The following LRMDA variants were observed in gnomAD, a reference collection of about 807,000 sequenced individuals.
LRMDA encodes leucine-rich melanocyte differentiation-associated protein.
Under a neutral mutation model 29.8 loss-of-function variants are expected in LRMDA, and 18 were observed. That is an observed-to-expected ratio of 0.60 (90% CI 0.42 to 0.90). The LOEUF (loss-of-function observed/expected upper bound fraction) is 0.90. Among genes scored for constraint, LRMDA ranks in the 40% least tolerant of loss-of-function variants. The pLI is 0.00. For missense variants in LRMDA, 273 were observed against 273.9 expected (o/e 1.00, Z 0.02); for synonymous variants, 125 against 109.4 (o/e 1.14, Z -0.89).
At chr10:75,826,410 T>C (rs747598926) in intron 2 of LRMDA, among the ~76,000 whole-genome samples, 2 of 152,088 alleles carry the variant, frequency 1.3e-5, no homozygotes, top group African/African-American at 4.8e-5. Context: ...TGTTTTCTTT[T>C]TGGGTAGAGT....
intron 6 of LRMDA, among the ~76,000 whole-genome samples, chr10:76,462,740 C>T (rs911707471): frequency 6.6e-6 from 1 of 152,198 alleles, no homozygotes; most frequent in Non-Finnish European, 1.5e-5. Flanking sequence ...TCCAGCCAGA[C>T]AACAGCCCTC....
intron 5 of LRMDA, among the ~76,000 whole-genome samples, chr10:76,164,113 T>C (rs1157427420): frequency 6.7e-6 from 1 of 148,410 alleles, no homozygotes; most frequent in Non-Finnish European, 1.5e-5. Context: ...AATCATTTAA[T>C]TAAAATGTTT....
At chr10:75,443,470 T>C (rs1041312290) in intron 2 of LRMDA, among the ~76,000 whole-genome samples, 2 of 152,136 alleles carry the variant, frequency 1.3e-5, no homozygotes, top group Non-Finnish European at 2.9e-5. Context: ...TCTGTTAATG[T>C]GGTATATATT....
chr10:76,062,133 G>A (rs936920833), intron 5 of LRMDA, among the ~76,000 whole-genome samples: 1 of 152,172 alleles, frequency 6.6e-6, no homozygotes, highest in African/African-American at 2.4e-5. Context: ...CTGCTGCTGT[G>A]CTGAGCACAC....
rs574541307 is a variant in LRMDA at position 75,808,771 on chromosome 10, G to C, written c.132-227237G>C. On this transcript the variant is annotated intron_variant, in intron 2 of 6. Transcript: ENST00000611255. ...GATCCGCCCACCTCGGCCTCCCAAAGTGCTGGGATTACAGGCATGAGCCAC... is the reference window on the plus strand; with the variant it reads ...GATCCGCCCACCTCGGCCTCCCAAACTGCTGGGATTACAGGCATGAGCCAC... Among the ~76,000 whole-genome samples, 269 of 152,312 alleles carry C rather than the reference G, an allele frequency of 1.8e-3. 3 individuals carry two copies. Among genetic ancestry groups the C allele is most frequent in the Non-Finnish European group, 5.0e-4 (34 of 68,032 alleles).
intron 5 of LRMDA, among the ~76,000 whole-genome samples, chr10:76,231,677 A>G (rs927953117): frequency 6.6e-5 from 10 of 152,240 alleles, no homozygotes; most frequent in Admixed American, 1.3e-4. Flanking sequence ...ATGCAAAGTA[A>G]TAAAAACCAT....
At chr10:75,775,482 T>C (rs1418636458) in intron 2 of LRMDA, among the ~76,000 whole-genome samples, 2 of 152,248 alleles carry the variant, frequency 1.3e-5, no homozygotes, top group Non-Finnish European at 1.5e-5. Context: ...GCATTGATTC[T>C]AACAGTGTTG....
At chr10:75,614,469 T>A (rs1384131850) in intron 2 of LRMDA, among the ~76,000 whole-genome samples, 2 of 152,090 alleles carry the variant, frequency 1.3e-5, no homozygotes, top group Non-Finnish European at 2.9e-5. Context: ...AGCCATTGTT[T>A]TTTCATGCCA....
intron 6 of LRMDA, among the ~76,000 whole-genome samples, chr10:76,419,937 A>G (rs1842055832): frequency 6.6e-6 from 1 of 152,152 alleles, no homozygotes; most frequent in African/African-American, 2.4e-5. Flanking sequence ...ACATTGCCAC[A>G]TATATGAACA....
At chr10:76,324,522 A>G (rs1396913098) in intron 6 of LRMDA, 37 bp downstream of exon 6, 1 of 1,578,090 alleles carries the variant, frequency 6.3e-7, no homozygotes, top group Non-Finnish European at 8.7e-7. Flanking sequence ...CAGTGGGTGC[A>G]GGGAGGGACA....
chr10:76,409,600 C>G (rs2132506390), intron 6 of LRMDA, among the ~76,000 whole-genome samples: 1 of 152,120 alleles, frequency 6.6e-6, no homozygotes, highest in Middle Eastern at 3.4e-3. Context: ...TAGTTGTGAT[C>G]CTGTTGAAAA....
intron 5 of LRMDA, among the ~76,000 whole-genome samples, chr10:76,111,991 A>G (rs1849586128): frequency 6.6e-6 from 1 of 152,234 alleles, no homozygotes; most frequent in Non-Finnish European, 1.5e-5. Context: ...CTACATTTGA[A>G]AATCTTTAAT....
At chr10:75,436,809 A>G (rs1323848532) in intron 1 of LRMDA, among the ~76,000 whole-genome samples, 1 of 152,184 alleles carries the variant, frequency 6.6e-6, no homozygotes, top group African/African-American at 2.4e-5. Flanking sequence ...GGGAAATCGA[A>G]GTCCCCAGAT....
chr10:75,852,268 T>C (rs985667350), intron 2 of LRMDA, among the ~76,000 whole-genome samples: 2 of 152,254 alleles, frequency 1.3e-5, no homozygotes, highest in Non-Finnish European at 2.9e-5. Context: ...TTGAAAACTC[T>C]GACTTCTGAG....
chr10:76,266,360 G>A (rs534605997), intron 5 of LRMDA, among the ~76,000 whole-genome samples: 24 of 152,246 alleles, frequency 1.6e-4, no homozygotes, highest in African/African-American at 5.3e-4. Context: ...AGGATTACCT[G>A]TTAGCTGCTA....
At chr10:76,139,249 A>G (rs1850153717) in intron 5 of LRMDA, among the ~76,000 whole-genome samples, 1 of 152,164 alleles carries the variant, frequency 6.6e-6, no homozygotes, top group African/African-American at 2.4e-5. Flanking sequence ...AAAAAGAAAA[A>G]TCCTGAATGA....
intron 3 of LRMDA, among the ~76,000 whole-genome samples, chr10:76,043,277 G>T (rs1384857731): frequency 6.6e-6 from 1 of 152,162 alleles, no homozygotes; most frequent in Non-Finnish European, 1.5e-5. Flanking sequence ...CTGCATATTT[G>T]TGTTAATATG....
chr10:75,671,237 C>G (rs1589152642), intron 2 of LRMDA, among the ~76,000 whole-genome samples: 2 of 152,264 alleles, frequency 1.3e-5, no homozygotes, highest in South Asian at 2.1e-4. Flanking sequence ...AAAACAAGCC[C>G]ATGTGCCCAT....
chr10:75,595,219 C>G lies in LRMDA; in HGVS notation c.131+156725C>G, dbSNP rs947513029. ...ATCAAAGCACTCACTTTTGGTCATA[C>G]AAATAATTACAAAATGATGGATTTG... On this transcript the variant is annotated intron_variant, in intron 2 of 6. Transcript: ENST00000611255. 2.6e-5 allele frequency among the ~76,000 whole-genome samples: 4 copies of G among 152,230 alleles called. No homozygotes were observed. In the East Asian group the frequency reaches 7.7e-4, roughly 29 times the overall value.
Sources: gnomAD v4.1 joint callset for allele counts (sites outside exome capture counted in the v4.1 genomes callset) on GRCh38, gnomAD v4.1.1 for gene constraint, MANE v1.5 for transcripts, NCBI Gene and HGNC (gene_info 2026-07-23, HGNC 2026-07-21) for gene names.